Variants in ELAVL2 observed in about 807,000 individuals in gnomAD.
ELAVL2 encodes the protein ELAV-like protein 2.
A neutral mutation model predicts 34.6 loss-of-function variants in ELAVL2; 4 were observed. The ratio of observed to expected loss-of-function variants is 0.12; its 90% CI spans 0.06 to 0.26. ELAVL2 has a LOEUF of 0.26. Among genes scored for constraint, ELAVL2 ranks in the 10% least tolerant of loss-of-function variants. The probability of loss-of-function intolerance (pLI) is 1.00; values close to 1 mark genes in which losing one functional copy is unlikely to be tolerated. For synonymous variants in ELAVL2, 193 were observed against 154.8 expected, an observed-to-expected ratio of 1.25 and a Z score of -1.83; for missense variants, 432 against 442.8, an observed-to-expected ratio of 0.98 and a Z score of 0.22.
chr9:23,819,474 A>G (rs1199085808), intron 1 of ELAVL2, among the ~76,000 whole-genome samples: 2 of 152,214 alleles, frequency 1.3e-5, no homozygotes, highest in Non-Finnish European at 2.9e-5. Flanking sequence ...TACTTGCTCT[A>G]AACAAGAAGC....
intron 1 of ELAVL2, among the ~76,000 whole-genome samples, chr9:23,780,667 T>C (rs1475679279): frequency 1.3e-5 from 2 of 152,190 alleles, no homozygotes; most frequent in East Asian, 3.9e-4. Flanking sequence ...CAAATGATCA[T>C]GTGTAACACA....
intron 2 of ELAVL2, among the ~76,000 whole-genome samples, chr9:23,751,528 G>A (rs564827662): frequency 6.6e-6 from 1 of 152,166 alleles, no homozygotes; most frequent in South Asian, 2.1e-4. Context: ...GGAATATTAG[G>A]TTTTTGAACA....
At chr9:23,708,969 A>G (rs2133555676) in intron 3 of ELAVL2, among the ~76,000 whole-genome samples, 1 of 152,278 alleles carries the variant, frequency 6.6e-6, no homozygotes, top group South Asian at 2.1e-4. Context: ...ATTTTTTCTA[A>G]GAAAAGAGAA....
chr9:23,817,437 G>A (rs903212039), intron 1 of ELAVL2, among the ~76,000 whole-genome samples: 3 of 152,080 alleles, frequency 2.0e-5, no homozygotes, highest in Non-Finnish European at 2.9e-5. Flanking sequence ...TATTCAAAAA[G>A]GTACCATGTC....
chr9:23,694,610 T>C (rs1002210409), intron 5 of ELAVL2, among the ~76,000 whole-genome samples: 1 of 152,234 alleles, frequency 6.6e-6, no homozygotes, highest in East Asian at 1.9e-4. Flanking sequence ...CTCAGCCTTA[T>C]CACCTAACCT....
chr9:23,820,969 C>A (rs1237568932), intron 1 of ELAVL2, among the ~76,000 whole-genome samples: 1 of 152,052 alleles, frequency 6.6e-6, no homozygotes, highest in East Asian at 1.9e-4. Flanking sequence ...TTGCTCCTGC[C>A]CTGGGCGCCC....
At chr9:23,692,934 G>C in intron 6 of ELAVL2, 50 bp from the exon 7 acceptor site, 2 of 1,557,812 alleles carry the variant, frequency 1.3e-6, no homozygotes, top group South Asian at 2.3e-5. Context: ...AATAAAAACA[G>C]AGGTTGGTTA....
At chr9:23,820,268 G>GT (rs2064369257) in intron 1 of ELAVL2, among the ~76,000 whole-genome samples, 1 of 152,226 alleles carries the variant, frequency 6.6e-6, no homozygotes, top group South Asian at 2.1e-4. Flanking sequence ...CTGATTCGCC[G>GT]TAAGTTTTGA....
At chr9:23,696,302 G>C (rs1315366965) in intron 5 of ELAVL2, among the ~76,000 whole-genome samples, 1 of 152,026 alleles carries the variant, frequency 6.6e-6, no homozygotes, top group Non-Finnish European at 1.5e-5. Context: ...AAGGCAACGG[G>C]TGCTCTACAT....
chr9:23,811,930 G>C (rs139599567), intron 1 of ELAVL2, among the ~76,000 whole-genome samples: 113 of 152,182 alleles, frequency 7.4e-4, no homozygotes, highest in African/African-American at 2.7e-3. Context: ...TGGGAGGAAC[G>C]GGGGAGGGAA....
chr9:23,803,763 C>T (rs2061863424), intron 1 of ELAVL2, among the ~76,000 whole-genome samples: 1 of 152,142 alleles, frequency 6.6e-6, no homozygotes, highest in South Asian at 2.1e-4. Context: ...GGGGACAAGT[C>T]CCCCTATCTG....
At chr9:23,718,807 T>G (rs2042945641) in intron 3 of ELAVL2, among the ~76,000 whole-genome samples, 1 of 152,182 alleles carries the variant, frequency 6.6e-6, no homozygotes, top group Non-Finnish European at 1.5e-5. Flanking sequence ...CATTAGAGAA[T>G]AACCATAGGG....
chr9:23,795,952 T>C (rs2060870406), intron 1 of ELAVL2, among the ~76,000 whole-genome samples: 1 of 152,192 alleles, frequency 6.6e-6, no homozygotes. Flanking sequence ...AATGCATAAG[T>C]GGATGTTTAA....
intron 3 of ELAVL2, among the ~76,000 whole-genome samples, chr9:23,727,278 G>C (rs1294619473): frequency 6.6e-6 from 1 of 152,078 alleles, no homozygotes; most frequent in Non-Finnish European, 1.5e-5. Flanking sequence ...ACTTTAACCT[G>C]TATCTGCTAC....
At chr9:23,813,755 T>C (rs1403329247) in intron 1 of ELAVL2, among the ~76,000 whole-genome samples, 3 of 152,186 alleles carry the variant, frequency 2.0e-5, no homozygotes, top group Non-Finnish European at 4.4e-5. Context: ...ACAAATCTTC[T>C]CTGAAGTAAA....
In ELAVL2 at chr9:23,822,726, C is replaced by T. The variant is rs1008826737; in HGVS notation, c.-16+3080G>A. 4.1e-4 allele frequency among the ~76,000 whole-genome samples: 63 copies of T among 152,226 alleles called. 2 individuals are homozygous for T. Among genetic ancestry groups the T allele is most frequent in the Admixed American group, 6.5e-5 (1 of 15,278 alleles). ...CAAAGGCATCGATTTTAGCCCTTCT[C>T]CTAAAATACTACATTTAAAAAATCA... is the stretch of plus-strand genomic sequence containing the variant. On this transcript the variant is annotated intron_variant, in intron 1 of 6. Coordinates refer to ENST00000397312, the MANE Select transcript of ELAVL2 (RefSeq NM_004432.5).
intron 2 of ELAVL2, among the ~76,000 whole-genome samples, chr9:23,740,763 T>TA (rs1454570748): frequency 2.6e-5 from 4 of 152,218 alleles, no homozygotes; most frequent in Non-Finnish European, 5.9e-5. Context: ...ATCTGCATTA[T>TA]AAAAAGATCC....
rs1202748312 is a variant in ELAVL2 at position 23,774,235 on chromosome 9, A to AAAAG, written c.-15-11990_-15-11987dup. 4.9e-3 allele frequency among the ~76,000 whole-genome samples: 649 copies of AAAAG among 132,224 alleles called. 6 individuals carry two copies. Among genetic ancestry groups the AAAAG allele is most frequent in the African/African-American group, 0.018 (556 of 31,674 alleles). The allele number at this position is 132,224 out of a possible 152,430, so 86.7% of individuals were successfully genotyped here. On this transcript the variant is annotated intron_variant, in intron 1 of 6. Coordinates refer to ENST00000397312, the MANE Select transcript of ELAVL2 (RefSeq NM_004432.5). ...TCTCAAAAAAAAAAAAAAAAAAAAA[A>AAAAG]AAAGAAAGAAAGAAAGAAAGAAAAT...
chr9:23,703,788 T>TA (rs1291060055), intron 4 of ELAVL2, among the ~76,000 whole-genome samples: 1 of 152,154 alleles, frequency 6.6e-6, no homozygotes, highest in Non-Finnish European at 1.5e-5. Context: ...AAAGCTACCT[T>TA]AAAAAAACAA....
Sources: gnomAD v4.1 joint callset for allele counts (sites outside exome capture counted in the v4.1 genomes callset) on GRCh38, gnomAD v4.1.1 for gene constraint, MANE v1.5 for transcripts, NCBI Gene and HGNC (gene_info 2026-07-23, HGNC 2026-07-21) for gene names.